XPO4: variants seen among roughly 807,000 people sequenced by gnomAD.
The protein encoded by XPO4 is exportin-4.
A neutral mutation model predicts 143.0 loss-of-function variants in XPO4; 39 were observed. That is an observed-to-expected ratio of 0.27 (90% CI 0.21 to 0.36). The LOEUF (loss-of-function observed/expected upper bound fraction) is 0.36, where lower values mean the gene tolerates loss of function less well. Among genes scored for constraint, XPO4 ranks in the 10% least tolerant of loss-of-function variants. The pLI, the probability that XPO4 is intolerant of heterozygous loss-of-function variation, is 1.00. For missense variants in XPO4, 907 were observed against 1,348.0 expected, an observed-to-expected ratio of 0.67 and a Z score of 5.12; for synonymous variants, 439 against 474.0, an observed-to-expected ratio of 0.93 and a Z score of 0.96.
chr13:20,895,924 C>T (rs984630490), intron 1 of XPO4, among the ~76,000 whole-genome samples: 1 of 152,134 alleles, frequency 6.6e-6, no homozygotes. Context: ...TTTCAATCTT[C>T]ACTACAGCAA....
intron 4 of XPO4, among the ~76,000 whole-genome samples, chr13:20,855,355 T>C (rs554671964): frequency 3.9e-4 from 59 of 151,510 alleles, no homozygotes; most frequent in South Asian, 8.4e-4. Context: ...CTTGGGAGGC[T>C]GAGGCAAGAG....
intron 4 of XPO4, chr13:20,852,114 T>C (rs1391215090): frequency 1.2e-5 from 12 of 985,318 alleles, no homozygotes; most frequent in African/African-American, 1.7e-5. Context: ...GCATAAATTC[T>C]ACCCCAATAC....
intron 3 of XPO4, among the ~76,000 whole-genome samples, chr13:20,861,779 T>TC (rs2060202042): frequency 1.3e-4 from 2 of 15,740 alleles, no homozygotes; most frequent in African/African-American, 2.2e-4. Flanking sequence ...ATTTCTCTCT[T>TC]TTTTTTTTTT....
chr13:20,896,836 T>A (rs542408609), intron 1 of XPO4, among the ~76,000 whole-genome samples: 1 of 152,240 alleles, frequency 6.6e-6, no homozygotes, highest in Non-Finnish European at 1.5e-5. Flanking sequence ...TAACTATTTG[T>A]TATCATATTG....
In XPO4 at chr13:20,799,485, T is replaced by C. The variant is rs560061416; in HGVS notation, c.2148-146A>G. ...AGTACAGTAAACTTAGTATAGACTT[T>C]GAAGTCACAGGCTTACATTCAAATC... On this transcript the variant is annotated intron_variant, in intron 15 of 22. Transcript: ENST00000255305. The C allele has an allele frequency of 4.0e-5, 26 of 652,382 alleles. No homozygotes were observed. In the African/African-American group the frequency reaches 4.2e-4, roughly 10 times the overall value. The allele number at this position is 652,382 out of a possible 1,614,324, so 40.4% of individuals were successfully genotyped here.
chr13:20,848,660 G>A (rs2138078459), intron 4 of XPO4: 1 of 985,326 alleles, frequency 1.0e-6, no homozygotes, highest in Non-Finnish European at 1.2e-6. Flanking sequence ...TATAACTGAA[G>A]CTGTATCACT....
rs561817669 is a variant in XPO4 at position 20,893,502 on chromosome 13, G to A, written c.69+9168C>T. 7.9e-4 allele frequency among the ~76,000 whole-genome samples: 120 copies of A among 152,292 alleles called. 1 individual carries two copies. Among genetic ancestry groups the A allele is most frequent in the African/African-American group, 2.9e-3 (120 of 41,566 alleles). On this transcript the variant is annotated intron_variant, in intron 1 of 22. Transcript: ENST00000255305. Reference sequence around the variant, plus strand: ...TGCCTGTAATCCCAGCACTTTGGGAGGCCGAGGTGGGAGGATCACGAGGTC... The same window carrying A: ...TGCCTGTAATCCCAGCACTTTGGGAAGCCGAGGTGGGAGGATCACGAGGTC...
At chr13:20,790,337 T>C in intron 19 of XPO4, 125 bp downstream of exon 19, 1 of 752,492 alleles carries the variant, frequency 1.3e-6, no homozygotes, top group Non-Finnish European at 2.3e-6. Flanking sequence ...AATACAAAAA[T>C]TGTATCTTCA....
chr13:20,885,081 T>A (rs1018048834), intron 1 of XPO4, among the ~76,000 whole-genome samples: 14 of 152,092 alleles, frequency 9.2e-5, no homozygotes, highest in Non-Finnish European at 2.1e-4. Context: ...GCCTCCCAGG[T>A]AGCTGGGATT....
At chr13:20,810,705 G>A (rs1285178295) in intron 9 of XPO4, among the ~76,000 whole-genome samples, 1 of 152,154 alleles carries the variant, frequency 6.6e-6, no homozygotes, top group Non-Finnish European at 1.5e-5. Context: ...CTTGCCCAAA[G>A]CTCTGACTGG....
intron 4 of XPO4, chr13:20,850,098 T>C (rs1250581826): frequency 1.0e-6 from 1 of 983,582 alleles, no homozygotes; most frequent in Non-Finnish European, 1.2e-6. Context: ...AGAGCAAGAC[T>C]CTGTCTCAAC....
At position 20,779,574 on chromosome 13, in the gene XPO4, A is replaced by T. The variant is rs2059117683; in HGVS notation, c.*4148T>A. The T allele has an allele frequency of 1.3e-5, 2 of 152,400 alleles. No homozygotes were observed. Among genetic ancestry groups the T allele is most frequent in the South Asian group, 4.1e-4 (2 of 4,832 alleles). 9.4% of individuals were successfully genotyped at this position (152,400 alleles called of 1,614,324 possible). On this transcript the variant is annotated 3_prime_UTR_variant, in exon 23 of 23. Transcript: ENST00000255305. ...AGTGGGAGAGGAGGGTAAAGATGTGAGCTTCAAGCGGGTAATGGGCAAGCC... is the reference window on the plus strand; with the variant it reads ...AGTGGGAGAGGAGGGTAAAGATGTGTGCTTCAAGCGGGTAATGGGCAAGCC...
chr13:20,815,633 T>C (rs1301844108), intron 9 of XPO4, among the ~76,000 whole-genome samples: 1 of 152,204 alleles, frequency 6.6e-6, no homozygotes, highest in Non-Finnish European at 1.5e-5. Flanking sequence ...GAAAGCTTTT[T>C]CTGTTGATCA....
intron 1 of XPO4, among the ~76,000 whole-genome samples, chr13:20,875,464 C>T (rs1170973854): frequency 6.6e-6 from 1 of 152,072 alleles, no homozygotes; most frequent in Non-Finnish European, 1.5e-5. Context: ...GTATAAGCTC[C>T]TTTACATATC....
intron 4 of XPO4, chr13:20,850,359 G>C (rs894946559): frequency 1.3e-6 from 1 of 791,964 alleles, no homozygotes; most frequent in Non-Finnish European, 1.5e-6. Context: ...AGTTAGGTTG[G>C]CAATAAATGG....
chr13:20,801,759 A>G (rs996005849), intron 13 of XPO4, among the ~76,000 whole-genome samples: 3 of 152,232 alleles, frequency 2.0e-5, no homozygotes, highest in Non-Finnish European at 4.4e-5. Flanking sequence ...ACTAATGAAT[A>G]TCAGTGCTGA....
chr13:20,895,297 C>T (rs2060557583), intron 1 of XPO4, among the ~76,000 whole-genome samples: 1 of 152,100 alleles, frequency 6.6e-6, no homozygotes, highest in Non-Finnish European at 1.5e-5. Flanking sequence ...ATTAAGCACT[C>T]CTCCCATGTG....
At chr13:20,816,402 G>C in intron 9 of XPO4, among the ~76,000 whole-genome samples, 1 of 152,176 alleles carries the variant, frequency 6.6e-6, no homozygotes, top group Non-Finnish European at 1.5e-5. Flanking sequence ...AGAAGTCTTT[G>C]AATGTCAAAT....
intron 13 of XPO4, among the ~76,000 whole-genome samples, chr13:20,805,445 C>G (rs1162153108): frequency 6.6e-6 from 1 of 152,228 alleles, no homozygotes; most frequent in Admixed American, 6.5e-5. Flanking sequence ...CAACCCACCA[C>G]GGCATTCTTG....
Sources: allele counts gnomAD v4.1 joint callset (sites outside exome capture counted in the v4.1 genomes callset), GRCh38; gene constraint gnomAD v4.1.1; transcripts MANE v1.5; gene names NCBI Gene and HGNC (gene_info 2026-07-23, HGNC 2026-07-21).